Variants in PTPRK observed in about 807,000 individuals in gnomAD.
PTPRK encodes the protein protein tyrosine phosphatase receptor type K.
A neutral mutation model predicts 178.0 loss-of-function variants in PTPRK; 75 were observed. The observed-to-expected ratio is 0.42, with a 90% CI of 0.35 to 0.51. The LOEUF (loss-of-function observed/expected upper bound fraction) is 0.51, where lower values mean the gene tolerates loss of function less well. Among genes scored for constraint, PTPRK ranks in the 20% least tolerant of loss-of-function variants. The pLI is 0.02. For missense variants in PTPRK, 1,441 were observed against 1,797.8 expected, an observed-to-expected ratio of 0.80 and a Z score of 3.59; for synonymous variants, 637 against 620.6, an observed-to-expected ratio of 1.03 and a Z score of -0.39.
At chr6:128,502,071 T>C (rs927039679) in intron 1 of PTPRK, among the ~76,000 whole-genome samples, 1 of 152,216 alleles carries the variant, frequency 6.6e-6, no homozygotes, top group Admixed American at 6.5e-5. Context: ...AGTACAAAGA[T>C]GATGTAGTAA....
chr6:128,298,301 C>T (rs1052542332), intron 3 of PTPRK, among the ~76,000 whole-genome samples: 3 of 151,966 alleles, frequency 2.0e-5, no homozygotes, highest in African/African-American at 7.3e-5. Flanking sequence ...ACCAAAGGTA[C>T]AAGGAGGAAC....
intron 2 of PTPRK, among the ~76,000 whole-genome samples, chr6:128,347,078 GC>G (rs1331753823): frequency 2.0e-5 from 3 of 152,070 alleles, no homozygotes; most frequent in African/African-American, 7.2e-5. Context: ...TATATAAAAT[GC>G]TTTGGATTGA....
At chr6:128,495,191 C>G (rs1380559450) in intron 1 of PTPRK, among the ~76,000 whole-genome samples, 1 of 152,096 alleles carries the variant, frequency 6.6e-6, no homozygotes, top group Non-Finnish European at 1.5e-5. Context: ...AATAGCAAAG[C>G]TTATCACTCA....
intron 7 of PTPRK, among the ~76,000 whole-genome samples, chr6:128,130,927 C>T (rs1389721662): frequency 6.6e-6 from 1 of 152,190 alleles, no homozygotes; most frequent in Non-Finnish European, 1.5e-5. Flanking sequence ...TCCAGAATTA[C>T]ATAATTTATT....
At chr6:128,404,979 AG>A (rs1841482648) in intron 1 of PTPRK, among the ~76,000 whole-genome samples, 1 of 152,164 alleles carries the variant, frequency 6.6e-6, no homozygotes, top group Non-Finnish European at 1.5e-5. Context: ...CAACCTCAAG[AG>A]AAGGTATTCC....
chr6:128,019,438 A>G (rs1773115963), intron 13 of PTPRK, among the ~76,000 whole-genome samples: 1 of 152,098 alleles, frequency 6.6e-6, no homozygotes, highest in Admixed American at 6.6e-5. Flanking sequence ...ATAAATTGGC[A>G]GTCAGTCACA....
chr6:128,238,317 T>A, intron 5 of PTPRK: 1 of 337,142 alleles, frequency 3.0e-6, no homozygotes, highest in African/African-American at 2.2e-5. Flanking sequence ...TTTAAAACCA[T>A]CATGAAATGG....
intron 3 of PTPRK, among the ~76,000 whole-genome samples, chr6:128,294,998 T>A (rs1272439116): frequency 6.6e-6 from 1 of 152,066 alleles, no homozygotes; most frequent in African/African-American, 2.4e-5. Flanking sequence ...GATATGTTTA[T>A]CTGTTTCCAC....
At chr6:128,453,090 A>C (rs1445030032) in intron 1 of PTPRK, among the ~76,000 whole-genome samples, 4 of 152,168 alleles carry the variant, frequency 2.6e-5, no homozygotes, top group African/African-American at 9.7e-5. Flanking sequence ...CCTTATAACC[A>C]CTTTGAAAAT....
intron 7 of PTPRK, among the ~76,000 whole-genome samples, chr6:128,116,801 A>G (rs1008389495): frequency 7.9e-5 from 12 of 152,238 alleles, no homozygotes; most frequent in African/African-American, 2.9e-4. Context: ...TCATTTATGA[A>G]GAGACAAAAT....
At chr6:128,083,206 T>C (rs1466132878) in intron 9 of PTPRK, among the ~76,000 whole-genome samples, 1 of 152,104 alleles carries the variant, frequency 6.6e-6, no homozygotes, top group Non-Finnish European at 1.5e-5. Context: ...TTCTTTCATT[T>C]CTTCTTTTTT....
At chr6:128,266,568 A>G (rs190953958) in intron 3 of PTPRK, among the ~76,000 whole-genome samples, 2 of 152,248 alleles carry the variant, frequency 1.3e-5, no homozygotes, top group Admixed American at 6.6e-5. Context: ...TCCTTCTTCT[A>G]TGAATTTTCA....
intron 2 of PTPRK, among the ~76,000 whole-genome samples, chr6:128,326,393 G>T (rs889385340): frequency 2.0e-5 from 3 of 152,068 alleles, no homozygotes; most frequent in Non-Finnish European, 2.9e-5. Flanking sequence ...ATGTATAAAA[G>T]ATACAGCTTT....
At chr6:128,208,500 A>T (rs1807399386) in intron 6 of PTPRK, among the ~76,000 whole-genome samples, 1 of 152,142 alleles carries the variant, frequency 6.6e-6, no homozygotes. Context: ...ACCAAAATAC[A>T]GTCAGGAATC....
Position 128,082,633 on chromosome 6 carries a change from G to T in PTPRK, c.1581C>A (p.Ser527Arg). 1 of 1,601,956 alleles carries T rather than the reference G, an allele frequency of 6.2e-7. No homozygotes were observed. The highest frequency in any genetic ancestry group is 1.7e-5 in the Admixed American group (1 of 59,520). The change falls in exon 10 of 30, where the codon AGC (serine) becomes AGA (arginine). Residue 527 changes from serine to arginine, a missense_variant. By Grantham distance (110) the Ser-to-Arg change is moderately radical (BLOSUM62 -1). Around this residue, in one of 4 missense-constraint regions of PTPRK, gnomAD observed 945 missense variants for 1,080.6 expected, o/e 0.87. Transcript: ENST00000368226. ...GATCAAATGATCTTATACTGCTATA[G>T]CTGATCTGTTTTAAGAAATACATTT... ...PNGIITQYEISYSSIRSFDPA... is the reference protein window; with the variant it reads ...PNGIITQYEIRYSSIRSFDPA...
chr6:128,243,356 T>A (rs888520397), intron 3 of PTPRK, among the ~76,000 whole-genome samples: 5 of 151,716 alleles, frequency 3.3e-5, no homozygotes, highest in Non-Finnish European at 7.4e-5. Flanking sequence ...ATGGCCTTTC[T>A]TTTAATGTGT....
At chr6:128,367,022 C>A (rs1358474327) in intron 2 of PTPRK, among the ~76,000 whole-genome samples, 1 of 152,104 alleles carries the variant, frequency 6.6e-6, no homozygotes, top group African/African-American at 2.4e-5. Context: ...TCAGCAGCCC[C>A]AGCACTGCAG....
At chr6:128,162,125 A>C (rs1325342251) in intron 7 of PTPRK, among the ~76,000 whole-genome samples, 1 of 151,688 alleles carries the variant, frequency 6.6e-6, no homozygotes, top group Non-Finnish European at 1.5e-5. Context: ...ATACCATTAT[A>C]CAACCTAATG....
chr6:128,375,474 C>T lies in PTPRK; in HGVS notation c.223+22092G>A, dbSNP rs183775633. Among the ~76,000 whole-genome samples, 7 of 152,008 alleles carry T rather than the reference C, an allele frequency of 4.6e-5. No individual in the cohort carries two copies. The East Asian group carries it at 9.7e-4, about 21-fold the overall frequency. On this transcript the variant is annotated intron_variant, in intron 2 of 29. Transcript: ENST00000368226. The stretch of plus-strand genomic sequence containing the variant: ...CGAGAATAGCATGGGAAAGACCTGC[C>T]CTATGATTCAATCATCTCCCACTGG...
Sources: allele counts gnomAD v4.1 joint callset (sites outside exome capture counted in the v4.1 genomes callset), GRCh38; gene constraint gnomAD v4.1.1; regional missense constraint gnomAD v4.1.1; transcripts MANE v1.5; gene names NCBI Gene and HGNC (gene_info 2026-07-23, HGNC 2026-07-21).